The following FLT1 variants were observed in gnomAD, a reference collection of about 807,000 sequenced individuals.
The protein encoded by FLT1 is vascular endothelial growth factor receptor 1.
A neutral mutation model predicts 156.3 loss-of-function variants in FLT1; 49 were observed. The observed-to-expected ratio is 0.31, with a 90% confidence interval of 0.25 to 0.40. FLT1 has a LOEUF of 0.40. Ranked by LOEUF, FLT1 falls within the 10% of genes least tolerant of loss-of-function variation. FLT1 has a pLI of 1.00. For missense variants in FLT1, 1,322 were observed against 1,637.2 expected (o/e 0.81, Z 3.32); for synonymous variants, 594 against 583.8 (o/e 1.02, Z -0.25).
intron 24 of FLT1, 135 bp downstream of exon 24, chr13:28,319,288 A>G (rs2138825970): frequency 2.9e-6 from 2 of 681,152 alleles, no homozygotes; most frequent in South Asian, 1.5e-5. Context: ...GAGAGTCTAC[A>G]TGGGCCCATT....
chr13:28,346,346 G>A (rs778356425), intron 15 of FLT1: 1 of 152,244 alleles, frequency 6.6e-6, no homozygotes, highest in Non-Finnish European at 1.5e-5. Flanking sequence ...ATGCCTCCAT[G>A]GGCCAGAACA....
At chr13:28,429,482 A>G (rs1370395311) in intron 8 of FLT1, among the ~76,000 whole-genome samples, 1 of 152,194 alleles carries the variant, frequency 6.6e-6, no homozygotes, top group African/African-American at 2.4e-5. Flanking sequence ...TGTTTTAAAA[A>G]ACAACTGCTG....
chr13:28,452,079 T>C (rs1397795471), intron 3 of FLT1, among the ~76,000 whole-genome samples: 1 of 152,206 alleles, frequency 6.6e-6, no homozygotes, highest in East Asian at 1.9e-4. Context: ...CAGCTAAAAG[T>C]GCTGTGTCTG....
At chr13:28,434,962 C>T (rs9508035) in intron 4 of FLT1, among the ~76,000 whole-genome samples, 1 of 152,086 alleles carries the variant, frequency 6.6e-6, no homozygotes, top group African/African-American at 2.4e-5. Context: ...CATCATCCAG[C>T]GCTTTTAACA....
intron 15 of FLT1, among the ~76,000 whole-genome samples, chr13:28,353,094 C>T (rs748221347): frequency 3.3e-5 from 5 of 152,212 alleles, no homozygotes; most frequent in Non-Finnish European, 4.4e-5. Flanking sequence ...AAATCAGCCT[C>T]TAATGCCATG....
chr13:28,386,603 A>G (rs1373888992), intron 13 of FLT1: 6 of 1,055,850 alleles, frequency 5.7e-6, no homozygotes, highest in African/African-American at 1.7e-5. Flanking sequence ...GAACGTTACG[A>G]TATTTCTGTT....
At chr13:28,342,356 C>T (rs1255335155) in intron 16 of FLT1, among the ~76,000 whole-genome samples, 5 of 152,180 alleles carry the variant, frequency 3.3e-5, no homozygotes, top group Admixed American at 3.3e-4. Flanking sequence ...CTCCCCTTCT[C>T]CTCCTTTGAA....
intron 10 of FLT1, among the ~76,000 whole-genome samples, chr13:28,412,947 A>G (rs1255374188): frequency 2.6e-5 from 4 of 151,988 alleles, no homozygotes; most frequent in Non-Finnish European, 5.9e-5. Flanking sequence ...TTTAGACAGA[A>G]TGGTTCCTGC....
Position 28,321,552 on chromosome 13 carries a change from G to C in FLT1, c.3085C>G (p.Leu1029Val). Residue 1029 changes from leucine to valine, a missense_variant, in exon 23 of 30, where the codon CTT becomes GTT. Around this residue, in one of 3 missense-constraint regions of FLT1, gnomAD observed 991 missense variants for 1,254.8 expected, o/e 0.79. Coordinates refer to ENST00000282397, the MANE Select transcript of FLT1 (RefSeq NM_002019.4). ...IHRDLAARNI[L>V]LSENNVVKIC... ...TTCACCACGTTGTTCTCAGATAAAA[G>C]AATGTTTCTCGCTGCCAGGTCCCGA... is the stretch of plus-strand genomic sequence containing the variant. The C allele has an allele frequency of 1.2e-6, 2 of 1,614,136 alleles. No homozygotes were observed. Among genetic ancestry groups the C allele is most frequent in the South Asian group, 1.1e-5 (1 of 91,078 alleles).
At chr13:28,390,379 C>T (rs1874635803) in intron 12 of FLT1, among the ~76,000 whole-genome samples, 1 of 152,132 alleles carries the variant, frequency 6.6e-6, no homozygotes, top group African/African-American at 2.4e-5. Context: ...ATATTTTCTC[C>T]AACTTGGTTG....
chr13:28,364,699 C>A (rs1180060321), intron 14 of FLT1, among the ~76,000 whole-genome samples: 1 of 152,102 alleles, frequency 6.6e-6, no homozygotes, highest in Non-Finnish European at 1.5e-5. Flanking sequence ...ACCACTAAGT[C>A]GTTGTGCCAG....
chr13:28,387,139 A>C (rs1229523536), intron 13 of FLT1: 26 of 1,036,104 alleles, frequency 2.5e-5, no homozygotes, highest in Non-Finnish European at 3.0e-5. Flanking sequence ...TGTACTACAC[A>C]AACTTCAGAT....
chr13:28,343,931 C>T (rs941164630), intron 16 of FLT1, among the ~76,000 whole-genome samples: 14 of 152,086 alleles, frequency 9.2e-5, no homozygotes, highest in East Asian at 5.8e-4. Flanking sequence ...CGTGAGCCAC[C>T]GCGCCCGGCA....
At chr13:28,378,142 G>A (rs146676145) in intron 14 of FLT1, among the ~76,000 whole-genome samples, 1,614 of 149,580 alleles carry the variant, frequency 0.011, 53 homozygotes, top group Admixed American at 0.064. Context: ...TTCGCCTCCC[G>A]GGTTCAAGAG....
intron 1 of FLT1, among the ~76,000 whole-genome samples, chr13:28,474,392 T>G (rs914535622): frequency 6.6e-6 from 1 of 151,598 alleles, no homozygotes; most frequent in Admixed American, 6.6e-5. Context: ...GAGGAGGAGA[T>G]TTCAGTGAGC....
At chr13:28,320,864 G>A (rs1188564150) in intron 23 of FLT1, among the ~76,000 whole-genome samples, 2 of 152,094 alleles carry the variant, frequency 1.3e-5, no homozygotes, top group South Asian at 2.1e-4. Flanking sequence ...AGGGTATATA[G>A]GCTGAGGGTT....
chr13:28,388,944 G>A (rs948395578), intron 13 of FLT1: 1 of 1,064,922 alleles, frequency 9.4e-7, no homozygotes, highest in Non-Finnish European at 1.1e-6. Context: ...ACAGCAAGGA[G>A]CAAACCCTTT....
chr13:28,487,738 C>T (rs1881245026), intron 1 of FLT1, among the ~76,000 whole-genome samples: 1 of 152,126 alleles, frequency 6.6e-6, no homozygotes. Flanking sequence ...ATACTTACCG[C>T]TGCTGGTTTT....
chr13:28,432,757 G>A (rs761094161), intron 6 of FLT1, among the ~76,000 whole-genome samples: 3 of 152,178 alleles, frequency 2.0e-5, no homozygotes, highest in Non-Finnish European at 2.9e-5. Context: ...TAGATGTGTT[G>A]TAGATACTCT....
Sources: allele counts gnomAD v4.1 joint callset (sites outside exome capture counted in the v4.1 genomes callset), GRCh38; gene constraint gnomAD v4.1.1; regional missense constraint gnomAD v4.1.1; transcripts MANE v1.5; gene names NCBI Gene and HGNC (gene_info 2026-07-23, HGNC 2026-07-21).